The following CLDN17 variants were observed in gnomAD, a reference collection of about 807,000 sequenced individuals.
CLDN17 encodes the protein claudin 17.
A neutral mutation model predicts 0.1 loss-of-function variants in CLDN17; 1 was observed. The observed-to-expected ratio is 8.90, with a 90% CI of 3.16 to 42.21. CLDN17 has a LOEUF of 42.21. CLDN17 is among the 30% of genes most tolerant of loss of function. The pLI is 0.11. For synonymous variants in CLDN17, 134 were observed against 106.7 expected, an observed-to-expected ratio of 1.26 and a Z score of -1.58; for missense variants, 294 against 274.9, an observed-to-expected ratio of 1.07 and a Z score of -0.49.
Position 30,166,136 on chromosome 21 carries a change from A to G in CLDN17, c.482T>C (p.Leu161Pro), listed in dbSNP as rs753793642. 14 of 1,614,080 alleles carry G rather than the reference A, an allele frequency of 8.7e-6. No homozygotes were observed. The African/African-American group carries it at 1.7e-4, about 20-fold the overall frequency. Residue 161 changes from leucine (L) to proline (P), a missense_variant, in exon 1 of 1, where the codon CTG (leucine) becomes CCG (proline). Physicochemically the swap from Leu to Pro is moderately conservative, Grantham distance 98. Transcript: ENST00000286808. Reference sequence around the variant, plus strand: ...CCAGCCAAGGAAAAGTGCTGCTCCCAGCTCTCGTTTCTGACCTATGTGGAT... The same window carrying G: ...CCAGCCAAGGAAAAGTGCTGCTCCCGGCTCTCGTTTCTGACCTATGTGGAT... ...PAIHIGQKRE[L>P]GAALFLGWAS...
Position 30,165,837 on chromosome 21 carries a change from A to T in CLDN17, c.*106T>A. The T allele has an allele frequency of 9.4e-7, 1 of 1,065,714 alleles. No individual in the cohort carries two copies. The highest frequency in any genetic ancestry group is 1.4e-6 in the Non-Finnish European group (1 of 731,054). 66.0% of individuals were successfully genotyped at this position (1,065,714 alleles called of 1,614,324 possible). On this transcript the variant is annotated 3_prime_UTR_variant, in exon 1 of 1. Transcript: ENST00000286808. ...CAAATTGAAACTTTCGTATCAATGT[A>T]AATCTAGACATAAAGCAAGTTCTCC... is the stretch of plus-strand genomic sequence containing the variant.
Position 30,165,639 on chromosome 21 carries a change from T to C in CLDN17, c.*304A>G. ...TAGATTCTTATCAGATAATACATGA[T>C]GGTCAAAAAGTAATAAGTAGTCCAT... On this transcript the variant is annotated 3_prime_UTR_variant, in exon 1 of 1. Transcript: ENST00000286808. 1 of 391,372 alleles carries C rather than the reference T, an allele frequency of 2.6e-6. No homozygotes were observed. The highest frequency in any genetic ancestry group is 3.8e-5 in the South Asian group (1 of 26,004). 24.2% of individuals were successfully genotyped at this position (391,372 alleles called of 1,614,324 possible). A position where few individuals can be genotyped will look rare whatever the true frequency, so the allele number is the denominator to read the frequency against.
chr21:30,166,385 T>A lies in CLDN17; in HGVS notation c.233A>T (p.Glu78Val). The A allele has an allele frequency of 1.2e-6, 2 of 1,614,004 alleles. No individual in the cohort carries two copies. The highest frequency in any genetic ancestry group is 1.7e-6 in the Non-Finnish European group (2 of 1,179,984). ...CACACACATGAGGGCCCGGGCTGTT[T>A]CCAGGGCAGGCGGGAGAGCCAACAA... ...SSLLALPPALETARALMCVAV... is the reference protein window; with the variant it reads ...SSLLALPPALVTARALMCVAV... Residue 78 changes from glutamate to valine, a missense_variant, in exon 1 of 1, where the codon GAA (glutamate) becomes GTA (valine). By Grantham distance (121) the Glu-to-Val change is moderately radical. Transcript: ENST00000286808.
In CLDN17 at chr21:30,166,228, G is replaced by A; in HGVS notation, c.390C>T (p.Gly130=). The change falls in exon 1 of 1, where the codon GGC becomes GGT. Residue 130 remains glycine, a synonymous_variant. Coordinates refer to ENST00000286808, the MANE Select transcript of CLDN17 (RefSeq NM_012131.3). ...AGCTCACCGGAATCAGAACGAAGAT[G>A]CCCGTCAGGATGAAGAGGACTCCTG... The part of the protein sequence containing the change: ...GTSGVLFILT[G]IFVLIPVSWT... 6.2e-7 allele frequency: 1 copy of A among 1,614,172 alleles called. No individual in the cohort carries two copies. Among genetic ancestry groups the A allele is most frequent in the Non-Finnish European group, 8.5e-7 (1 of 1,180,024 alleles).
rs199537354 is a variant in CLDN17 at position 30,166,364 on chromosome 21, C to T, written c.254G>A (p.Cys85Tyr). The T allele has an allele frequency of 8.8e-5, 142 of 1,614,148 alleles. No homozygotes were observed. In the East Asian group the frequency reaches 2.3e-3, roughly 26 times the overall value. ...PALETARALM[C>Y]VAVALSLIAL... ...GATCAAGGAGAGAGCAACAGCCACA[C>T]ACATGAGGGCCCGGGCTGTTTCCAG... The change falls in exon 1 of 1, where the codon TGT (cysteine) becomes TAT (tyrosine). Residue 85 changes from cysteine (C) to tyrosine (Y), a missense_variant. Physicochemically the swap from Cys to Tyr is radical, Grantham distance 194. Transcript: ENST00000286808.
In CLDN17 at chr21:30,166,705, C is replaced by G. The variant is rs781027242; in HGVS notation, c.-88G>C. Reference sequence around the variant, plus strand: ...GGAAGCCTTTTGAGTCTAGAGAAGTCTTTGATGATGTTCTCCTTGGCTGCT... The same window carrying G: ...GGAAGCCTTTTGAGTCTAGAGAAGTGTTTGATGATGTTCTCCTTGGCTGCT... On this transcript the variant is annotated 5_prime_UTR_variant, in exon 1 of 1. Transcript: ENST00000286808. 6 of 1,197,558 alleles carry G rather than the reference C, an allele frequency of 5.0e-6. No homozygotes were observed. Among genetic ancestry groups the G allele is most frequent in the Non-Finnish European group, 5.9e-6 (5 of 852,600 alleles). 74.2% of individuals were successfully genotyped at this position (1,197,558 alleles called of 1,614,324 possible).
Position 30,166,184 on chromosome 21 carries a change from A to G in CLDN17, c.434T>C (p.Ile145Thr). The change falls in exon 1 of 1, where the codon ATC (isoleucine) becomes ACC (threonine). Residue 145 changes from isoleucine (I) to threonine (T), a missense_variant. Coordinates refer to ENST00000286808, the MANE Select transcript of CLDN17 (RefSeq NM_012131.3). The part of the protein sequence containing the change: ...IPVSWTANII[I>T]RDFYNPAIHI... The stretch of plus-strand genomic sequence containing the variant: ...GATGGCTGGGTTGTAGAAATCTCTG[A>G]TGATTATATTGGCTGTCCAGCTCAC... The G allele has an allele frequency of 1.2e-6, 2 of 1,614,140 alleles. No homozygotes were observed. The highest frequency in any genetic ancestry group is 8.5e-7 in the Non-Finnish European group (1 of 1,180,020).
At position 30,166,025 on chromosome 21, in the gene CLDN17, G is replaced by A; in HGVS notation, c.593C>T (p.Pro198Leu). 6.2e-7 allele frequency: 1 copy of A among 1,614,174 alleles called. No individual in the cohort carries two copies. The highest frequency in any genetic ancestry group is 8.5e-7 in the Non-Finnish European group (1 of 1,180,022). The change falls in exon 1 of 1, where the codon CCA becomes CTA. Residue 198 changes from proline (P) to leucine (L), a missense_variant. Pro to Leu is a moderately conservative substitution (Grantham distance 98, BLOSUM62 -3). Coordinates refer to ENST00000286808, the MANE Select transcript of CLDN17 (RefSeq NM_012131.3). Reference protein sequence around the residue: ...CNRKKQGYRYPVPGYRVPHTD... With the variant: ...CNRKKQGYRYLVPGYRVPHTD... ...GTGTGGCACACGGTAGCCAGGCACT[G>A]GATATCTGTACCCTTGCTTCTTTCT... is the stretch of plus-strand genomic sequence containing the variant.
At position 30,166,301 on chromosome 21, in the gene CLDN17, T is replaced by C. The variant is rs1198936408; in HGVS notation, c.317A>G (p.Gln106Arg). ...LIGICGMKQV[Q>R]CTGSNERAKA... ...GGCCCTCTCGTTAGAGCCTGTGCAC[T>C]GGACCTGCTTCATGCCACAGATGCC... is the stretch of plus-strand genomic sequence containing the variant. Residue 106 changes from glutamine (Q) to arginine (R), a missense_variant, in exon 1 of 1, where the codon CAG (glutamine) becomes CGG (arginine). By Grantham distance (43) the Gln-to-Arg change is conservative. Coordinates refer to ENST00000286808, the MANE Select transcript of CLDN17 (RefSeq NM_012131.3). 3 of 1,614,152 alleles carry C rather than the reference T, an allele frequency of 1.9e-6. No homozygotes were observed. Among genetic ancestry groups the C allele is most frequent in the Non-Finnish European group, 2.5e-6 (3 of 1,180,032 alleles).
In CLDN17 at chr21:30,166,433, AACCGG is replaced by A; in HGVS notation, c.180_184del (p.Arg61AlafsTer6). On this transcript the variant is annotated frameshift_variant, in exon 1 of 1. Transcript: ENST00000286808. LOFTEE classifies it low-confidence loss of function (END_TRUNC). ...CAAGGAGCTATAGAACTTGCATTGC[AACCGG>A]ACCCTGGCTTGTCGGATGCAATTCA... is the stretch of plus-strand genomic sequence containing the variant. The A allele has an allele frequency of 6.2e-7, 1 of 1,614,086 alleles. No individual in the cohort carries two copies. Among genetic ancestry groups the A allele is most frequent in the Non-Finnish European group, 8.5e-7 (1 of 1,179,996 alleles).
rs770504734 is a variant in CLDN17 at position 30,166,284 on chromosome 21, C to A, written c.334G>T (p.Glu112Ter). ...CCCAGAAGGTATGCTTTGGCCCTCT[C>A]GTTAGAGCCTGTGCACTGGACCTGC... ...MKQVQCTGSN[E>*]RAKAYLLGTS... Residue 112 changes from glutamate to a stop codon, truncating the protein, a stop_gained, in exon 1 of 1, where the codon GAG becomes TAG. Coordinates refer to ENST00000286808, the MANE Select transcript of CLDN17 (RefSeq NM_012131.3). LOFTEE classifies it low-confidence loss of function (END_TRUNC). 1 of 1,614,118 alleles carries A rather than the reference C, an allele frequency of 6.2e-7. No homozygotes were observed. Among genetic ancestry groups the A allele is most frequent in the Non-Finnish European group, 8.5e-7 (1 of 1,180,028 alleles).
rs911848024 is a variant in CLDN17, at chr21:30,165,722, G to A, written c.*221C>T. ...TTGAATTTAGAATATGAAAATTGGAGCAGCGATTGGGTCCAACAATAGTCA... is the reference window on the plus strand; with the variant it reads ...TTGAATTTAGAATATGAAAATTGGAACAGCGATTGGGTCCAACAATAGTCA... On this transcript the variant is annotated 3_prime_UTR_variant, in exon 1 of 1. Coordinates refer to ENST00000286808, the MANE Select transcript of CLDN17 (RefSeq NM_012131.3). 9 of 573,024 alleles carry A rather than the reference G, an allele frequency of 1.6e-5. No individual in the cohort carries two copies. The highest frequency in any genetic ancestry group is 4.5e-4 in the Middle Eastern group (1 of 2,198). 35.5% of individuals were successfully genotyped at this position (573,024 alleles called of 1,614,324 possible).
Position 30,166,120 on chromosome 21 carries a change from G to A in CLDN17, c.498C>T (p.Phe166=). 6.2e-7 allele frequency: 1 copy of A among 1,614,190 alleles called. No homozygotes were observed. The highest frequency in any genetic ancestry group is 8.5e-7 in the Non-Finnish European group (1 of 1,180,040). ...GQKRELGAAL[F]LGWASAAVLF... The stretch of plus-strand genomic sequence containing the variant: ...GGACAGCAGCGCTTGCCCAGCCAAG[G>A]AAAAGTGCTGCTCCCAGCTCTCGTT... Residue 166 remains phenylalanine (F), a synonymous_variant, in exon 1 of 1, where the codon TTC becomes TTT. Transcript: ENST00000286808.
rs908046007 is a variant in CLDN17, at chr21:30,166,448, T to A, written c.170A>T (p.Gln57Leu). The change falls in exon 1 of 1, where the codon CAA (glutamine) becomes CTA (leucine). Residue 57 changes from glutamine to leucine, a missense_variant. Coordinates refer to ENST00000286808, the MANE Select transcript of CLDN17 (RefSeq NM_012131.3). The part of the protein sequence containing the change: ...WEGLWMNCIR[Q>L]ARVRLQCKFY... ...CTTGCATTGCAACCGGACCCTGGCT[T>A]GTCGGATGCAATTCATCCAGAGCCC... 3.7e-6 allele frequency: 6 copies of A among 1,614,112 alleles called. No homozygotes were observed. Among genetic ancestry groups the A allele is most frequent in the Non-Finnish European group, 5.1e-6 (6 of 1,180,016 alleles).
chr21:30,166,207 C>T lies in CLDN17; in HGVS notation c.411G>A (p.Val137=). The change falls in exon 1 of 1, where the codon GTG becomes GTA. Residue 137 remains valine (V), a synonymous_variant. Transcript: ENST00000286808. ...TGATGATTATATTGGCTGTCCAGCT[C>T]ACCGGAATCAGAACGAAGATGCCCG... is the stretch of plus-strand genomic sequence containing the variant. The part of the protein sequence containing the change: ...ILTGIFVLIP[V]SWTANIIIRD... The T allele has an allele frequency of 6.2e-7, 1 of 1,614,146 alleles. No individual in the cohort carries two copies. The highest frequency in any genetic ancestry group is 8.5e-7 in the Non-Finnish European group (1 of 1,180,026).
chr21:30,166,528 C>T lies in CLDN17; in HGVS notation c.90G>A (p.Trp30Ter). ...TGCTGCCAACAAAAGCTGATACTCT[C>T]CACTGAGGCAGAAGGGTTGTGGCAA... Reference protein sequence around the residue: ...GTLATTLLPQWRVSAFVGSNI... With the variant: ...GTLATTLLPQ The change falls in exon 1 of 1, where the codon TGG (tryptophan) becomes TGA (stop). Residue 30 changes from tryptophan to a stop codon, truncating the protein, a stop_gained. Coordinates refer to ENST00000286808, the MANE Select transcript of CLDN17 (RefSeq NM_012131.3). LOFTEE classifies it low-confidence loss of function (END_TRUNC). 6 of 1,614,184 alleles carry T rather than the reference C, an allele frequency of 3.7e-6. No homozygotes were observed. Among genetic ancestry groups the T allele is most frequent in the Non-Finnish European group, 4.2e-6 (5 of 1,180,018 alleles).
Position 30,166,317 on chromosome 21 carries a change from C to G in CLDN17, c.301G>C (p.Gly101Arg). ...SLIALLIGIC[G>R]MKQVQCTGSN... ...CCTGTGCACTGGACCTGCTTCATGC[C>G]ACAGATGCCAATAAGCAGGGCGATC... The change falls in exon 1 of 1, where the codon GGC (glycine) becomes CGC (arginine). Residue 101 changes from glycine to arginine, a missense_variant. Physicochemically the swap from Gly to Arg is moderately radical, Grantham distance 125 (BLOSUM62 -2). Transcript: ENST00000286808. The G allele has an allele frequency of 6.2e-7, 1 of 1,614,106 alleles. No individual in the cohort carries two copies. The highest frequency in any genetic ancestry group is 8.5e-7 in the Non-Finnish European group (1 of 1,180,028).
In CLDN17 at chr21:30,166,000, G is replaced by A; in HGVS notation, c.618C>T (p.His206=). The A allele has an allele frequency of 6.2e-7, 1 of 1,614,170 alleles. No individual in the cohort carries two copies. Among genetic ancestry groups the A allele is most frequent in the African/African-American group, 1.3e-5 (1 of 75,040 alleles). Residue 206 remains histidine, a synonymous_variant, in exon 1 of 1, where the codon CAC becomes CAT. Coordinates refer to ENST00000286808, the MANE Select transcript of CLDN17 (RefSeq NM_012131.3). The part of the protein sequence containing the change: ...RYPVPGYRVP[H]TDKRRNTTML... ...TTGTCGTATTTCTTCGCTTATCTGT[G>A]TGTGGCACACGGTAGCCAGGCACTG...
Position 30,166,427 on chromosome 21 carries a change from C to T in CLDN17, c.191G>A (p.Cys64Tyr). The T allele has an allele frequency of 6.2e-7, 1 of 1,614,110 alleles. No homozygotes were observed. The highest frequency in any genetic ancestry group is 1.1e-5 in the South Asian group (1 of 91,082). ...AGCCAACAAGGAGCTATAGAACTTG[C>T]ATTGCAACCGGACCCTGGCTTGTCG... Reference protein sequence around the residue: ...CIRQARVRLQCKFYSSLLALP... With the variant: ...CIRQARVRLQYKFYSSLLALP... The change falls in exon 1 of 1, where the codon TGC becomes TAC. Residue 64 changes from cysteine (C) to tyrosine (Y), a missense_variant. By Grantham distance (194) the Cys-to-Tyr change is radical. Transcript: ENST00000286808.
Sources: allele counts gnomAD v4.1 joint callset, GRCh38; gene constraint gnomAD v4.1.1; transcripts MANE v1.5; gene names NCBI Gene and HGNC (gene_info 2026-07-23, HGNC 2026-07-21).